Variants in TRIP4 observed in about 807,000 individuals in gnomAD.
The protein encoded by TRIP4 is activating signal cointegrator 1.
TRIP4 carries 54 observed loss-of-function variants against 81.8 expected under a neutral mutation model. That is an observed-to-expected ratio of 0.66 (90% CI 0.53 to 0.83). The LOEUF is 0.83. Ranked by LOEUF, TRIP4 falls within the 40% of genes least tolerant of loss-of-function variation. The pLI, the probability that TRIP4 is intolerant of heterozygous loss-of-function variation, is 0.00. For missense variants in TRIP4, 662 were observed against 683.6 expected (o/e 0.97, Z 0.35); for synonymous variants, 270 against 242.8 (o/e 1.11, Z -1.04).
Position 64,413,732 on chromosome 15 carries a change from C to T in TRIP4, c.1044-353C>T, listed in dbSNP as rs531516740. ...CCTCCCGAGTAGCTGGGACTACAGG[C>T]GTGTGCTACCATGCTCAGCTAATTT... On this transcript the variant is annotated intron_variant, in intron 7 of 12. Coordinates refer to ENST00000261884, the MANE Select transcript of TRIP4 (RefSeq NM_016213.5). 3.9e-5 allele frequency among the ~76,000 whole-genome samples: 6 copies of T among 152,158 alleles called. No individual in the cohort carries two copies. The East Asian group carries it at 7.7e-4, about 20-fold the overall frequency.
Position 64,400,756 on chromosome 15 carries a change from A to G in TRIP4, c.632A>G (p.Glu211Gly). Residue 211 changes from glutamate to glycine, a missense_variant, in exon 5 of 13, where the codon GAG (glutamate) becomes GGG (glycine). Glu to Gly is a moderately conservative substitution (Grantham distance 98). Coordinates refer to ENST00000261884, the MANE Select transcript of TRIP4 (RefSeq NM_016213.5). ...ACTATTTTACAGGTGTGTACTCATG[A>G]GGAACAAGATATTTTACAGCGTGAC... ...LFCGTLVCTH[E>G]EQDILQRDSN... is the part of the protein sequence containing the mutation. 1.2e-6 allele frequency: 2 copies of G among 1,613,984 alleles called. No homozygotes were observed. The highest frequency in any genetic ancestry group is 1.7e-6 in the Non-Finnish European group (2 of 1,179,880).
intron 12 of TRIP4, among the ~76,000 whole-genome samples, chr15:64,447,955 T>A (rs1009969668): frequency 6.6e-6 from 1 of 152,196 alleles, no homozygotes; most frequent in African/African-American, 2.4e-5. Flanking sequence ...TGCCTTGGCC[T>A]CCTAAAGCGT....
At chr15:64,388,070 AG>A (rs1566969642) in intron 1 of TRIP4, 106 bp downstream of exon 1, 12 of 1,420,150 alleles carry the variant, frequency 8.4e-6, no homozygotes, top group Non-Finnish European at 1.1e-5. Context: ...AATGTGATAA[AG>A]GGGCTGCAGT....
intron 12 of TRIP4, among the ~76,000 whole-genome samples, chr15:64,453,119 G>A (rs1892809235): frequency 6.6e-6 from 1 of 152,182 alleles, no homozygotes; most frequent in South Asian, 2.1e-4. Flanking sequence ...GGTGGTGGGG[G>A]TTGCAGTGAG....
At chr15:64,402,516 G>A (rs1245982830) in intron 5 of TRIP4, among the ~76,000 whole-genome samples, 2 of 148,988 alleles carry the variant, frequency 1.3e-5, no homozygotes, top group East Asian at 2.0e-4. Flanking sequence ...CACCGCGCCC[G>A]GCCAACATTT....
intron 1 of TRIP4, among the ~76,000 whole-genome samples, chr15:64,392,103 C>T (rs1279329108): frequency 1.3e-5 from 2 of 151,146 alleles, no homozygotes; most frequent in Non-Finnish European, 1.5e-5. Flanking sequence ...AGTGAAACCC[C>T]GTCTCTACTA....
At chr15:64,389,863 G>A (rs1175138622) in intron 1 of TRIP4, among the ~76,000 whole-genome samples, 1 of 150,506 alleles carries the variant, frequency 6.6e-6, no homozygotes, top group East Asian at 2.0e-4. Context: ...CACCATGCCT[G>A]GCTAATTTTT....
At chr15:64,411,987 G>A (rs1183702819) in intron 7 of TRIP4, among the ~76,000 whole-genome samples, 1 of 152,016 alleles carries the variant, frequency 6.6e-6, no homozygotes, top group African/African-American at 2.4e-5. Flanking sequence ...GCACTAAATT[G>A]TGCATACTTT....
Position 64,418,623 on chromosome 15 carries a change from AC to A in TRIP4, c.1255del (p.Gln419SerfsTer51), listed in dbSNP as rs1302719057. On this transcript the variant is annotated frameshift_variant, in exon 9 of 13. Transcript: ENST00000261884. LOFTEE classifies it high-confidence loss of function. ...GGACTAGAGTTCAACTCATTTCAGC[AC>A]CAGTTGCGAATCCAGGATCAAGAAT... ...GFGLEFNSFQ[H>X]QLRIQDQEFQ... The A allele has an allele frequency of 6.2e-7, 1 of 1,613,886 alleles. No individual in the cohort carries two copies. Among genetic ancestry groups the A allele is most frequent in the Non-Finnish European group, 8.5e-7 (1 of 1,180,022 alleles).
chr15:64,437,142 C>T (rs552374241), intron 11 of TRIP4, among the ~76,000 whole-genome samples: 12 of 151,404 alleles, frequency 7.9e-5, no homozygotes, highest in African/African-American at 2.2e-4. Flanking sequence ...AAATCTTGGC[C>T]GGGTGTGGTG....
intron 6 of TRIP4, 108 bp from the exon 7 acceptor site, chr15:64,409,505 G>T: frequency 9.5e-7 from 1 of 1,051,220 alleles, no homozygotes. Flanking sequence ...AGCTTGACCT[G>T]ATTTTGGAAC....
At chr15:64,396,345 T>TG (rs1205974834) in intron 3 of TRIP4, among the ~76,000 whole-genome samples, 1 of 142,974 alleles carries the variant, frequency 7.0e-6, no homozygotes. Flanking sequence ...GGCGCAATCT[T>TG]GGCCCACTGC....
chr15:64,430,798 C>G (rs1450029569), intron 11 of TRIP4, among the ~76,000 whole-genome samples: 1 of 152,148 alleles, frequency 6.6e-6, no homozygotes, highest in Non-Finnish European at 1.5e-5. Flanking sequence ...TTACAATAGC[C>G]AAGACCCTAT....
intron 11 of TRIP4, among the ~76,000 whole-genome samples, chr15:64,436,696 C>T (rs1303453860): frequency 1.9e-5 from 2 of 107,668 alleles, no homozygotes; most frequent in African/African-American, 6.6e-5. Context: ...TGTGTTCATA[C>T]TTCTATTACT....
intron 11 of TRIP4, among the ~76,000 whole-genome samples, chr15:64,430,804 C>G (rs1210177143): frequency 6.6e-6 from 1 of 152,114 alleles, no homozygotes; most frequent in Non-Finnish European, 1.5e-5. Flanking sequence ...TAGCCAAGAC[C>G]CTATCTTCAA....
chr15:64,431,853 TTTATCCAAAGAGCATTGTGTTTTC>T (rs1352692590), intron 11 of TRIP4, among the ~76,000 whole-genome samples: 19 of 129,208 alleles, frequency 1.5e-4, no homozygotes, highest in African/African-American at 5.5e-4. Context: ...ATATATTTTT[TTTATCCAAAGAGCATTGTGTTTTC>T]TTTTTTTTTT....
At chr15:64,430,376 C>A (rs922070533) in intron 11 of TRIP4, among the ~76,000 whole-genome samples, 2 of 152,226 alleles carry the variant, frequency 1.3e-5, no homozygotes, top group African/African-American at 4.8e-5. Flanking sequence ...GGAAGGAGCC[C>A]ATGCTGTTTG....
rs1199350398 is a variant in TRIP4 at position 64,397,690 on chromosome 15, C to T, written c.490C>T (p.Leu164=). Residue 164 remains leucine, a synonymous_variant, in exon 4 of 13, where the codon CTG becomes TTG. Coordinates refer to ENST00000261884, the MANE Select transcript of TRIP4 (RefSeq NM_016213.5). ...TREGQDRLAV[L]LPGRHPCDCL... ...AGAGGGACAGGACAGGCTTGCAGTC[C>T]TGCTCCCTGGTCGTCACCCTTGTGA... is the stretch of plus-strand genomic sequence containing the variant. The T allele has an allele frequency of 3.1e-6, 5 of 1,614,070 alleles. No individual in the cohort carries two copies. In the Admixed American group the frequency reaches 5.0e-5, roughly 16 times the overall value.
chr15:64,392,920 A>AT (rs1435892136), intron 1 of TRIP4, among the ~76,000 whole-genome samples: 1 of 152,096 alleles, frequency 6.6e-6, no homozygotes, highest in African/African-American at 2.4e-5. Flanking sequence ...CAGACAGAAT[A>AT]TTCTCTTAGT....
Sources: gnomAD v4.1 joint callset for allele counts (sites outside exome capture counted in the v4.1 genomes callset) on GRCh38, gnomAD v4.1.1 for gene constraint, MANE v1.5 for transcripts, NCBI Gene and HGNC (gene_info 2026-07-23, HGNC 2026-07-21) for gene names.